Variants in AGBL1 observed in about 807,000 individuals in gnomAD.
AGBL1 encodes the protein AGBL carboxypeptidase 1, also known as cytosolic carboxypeptidase 4.
AGBL1 carries 130 observed loss-of-function variants against 118.9 expected under a neutral mutation model. The observed-to-expected ratio is 1.09, with a 90% CI of 0.95 to 1.26. The LOEUF (loss-of-function observed/expected upper bound fraction) is 1.26. AGBL1 is among the 50% of genes most tolerant of loss of function. AGBL1 has a pLI of 0.00. For synonymous variants in AGBL1, 555 were observed against 478.9 expected, an observed-to-expected ratio of 1.16 and a Z score of -2.08; for missense variants, 1,584 against 1,298.1, an observed-to-expected ratio of 1.22 and a Z score of -3.38.
At chr15:86,495,823 A>AT (rs1293345467) in intron 18 of AGBL1, among the ~76,000 whole-genome samples, 1 of 151,544 alleles carries the variant, frequency 6.6e-6, no homozygotes, top group Non-Finnish European at 1.5e-5. Context: ...TATTATGTAG[A>AT]TTTTTTTATC....
At chr15:86,446,334 C>T (rs75824649) in intron 18 of AGBL1, among the ~76,000 whole-genome samples, 6,404 of 152,280 alleles carry the variant, frequency 0.042, 196 homozygotes, top group South Asian at 0.098. Flanking sequence ...CCTCTCCAGA[C>T]GCACTGCTCT....
rs1159758450 is a variant in AGBL1 at position 86,457,060 on chromosome 15, G to A, written c.2555+59514G>A. Among the ~76,000 whole-genome samples the A allele has an allele frequency of 2.6e-5, 4 of 152,138 alleles. No homozygotes were observed. The South Asian group carries it at 8.3e-4, about 32-fold the overall frequency. On this transcript the variant is annotated intron_variant, in intron 18 of 22. Transcript: ENST00000614907. ...TGGACAAAATCCCTTTCATTATGCA[G>A]CCTAGCTAATATTACCACATTCGAA...
chr15:86,610,434 C>T (rs1459900531), intron 21 of AGBL1, among the ~76,000 whole-genome samples: 7 of 152,058 alleles, frequency 4.6e-5, no homozygotes, highest in Admixed American at 6.5e-5. Context: ...TTACCTGGGG[C>T]CCTTAGTTGT....
At chr15:86,456,913 C>A (rs1251963608) in intron 18 of AGBL1, among the ~76,000 whole-genome samples, 1 of 152,014 alleles carries the variant, frequency 6.6e-6, no homozygotes, top group African/African-American at 2.4e-5. Flanking sequence ...TGAATATCTT[C>A]AAAAAGGATT....
intron 22 of AGBL1, among the ~76,000 whole-genome samples, chr15:86,791,147 G>A (rs987420423): frequency 6.6e-6 from 1 of 152,200 alleles, no homozygotes; most frequent in Non-Finnish European, 1.5e-5. Context: ...ATTTGCCACA[G>A]TGGATGAATC....
chr15:86,479,068 T>C (rs919545293), intron 18 of AGBL1, among the ~76,000 whole-genome samples: 1 of 152,158 alleles, frequency 6.6e-6, no homozygotes, highest in African/African-American at 2.4e-5. Context: ...TTACACCTTA[T>C]ACAAAAATCA....
At chr15:86,421,348 C>G (rs2081787156) in intron 18 of AGBL1, among the ~76,000 whole-genome samples, 1 of 152,108 alleles carries the variant, frequency 6.6e-6, no homozygotes, top group Admixed American at 6.5e-5. Flanking sequence ...TCATATCCAG[C>G]CAAACTAAGA....
rs151223280 is a variant in AGBL1, at chr15:86,587,547, G to A, written c.2994+33010G>A. 7.2e-5 allele frequency among the ~76,000 whole-genome samples: 11 copies of A among 152,276 alleles called. No individual in the cohort carries two copies. In the East Asian group the frequency reaches 1.9e-3, roughly 27 times the overall value. On this transcript the variant is annotated intron_variant, in intron 21 of 22. Transcript: ENST00000614907. Reference sequence around the variant, plus strand: ...GGAAGCAAGTGGGAGGAGGGCGTTCGTGGAAGAAGGAGCAGTATAAGCAAA... The same window carrying A: ...GGAAGCAAGTGGGAGGAGGGCGTTCATGGAAGAAGGAGCAGTATAAGCAAA...
chr15:86,108,755 G>C (rs1379911764), intron 1 of AGBL1, among the ~76,000 whole-genome samples: 4 of 152,134 alleles, frequency 2.6e-5, no homozygotes, highest in Admixed American at 2.6e-4. Context: ...TCAAGAGATC[G>C]AAGCCATCCT....
At chr15:86,814,523 G>A (rs560758671) in intron 22 of AGBL1, among the ~76,000 whole-genome samples, 13 of 152,158 alleles carry the variant, frequency 8.5e-5, no homozygotes, top group Non-Finnish European at 1.6e-4. Flanking sequence ...GAAGCATCTA[G>A]GTCACAGAAA....
intron 3 of AGBL1, among the ~76,000 whole-genome samples, chr15:86,151,333 A>G (rs2077107297): frequency 1.3e-5 from 2 of 151,804 alleles, no homozygotes; most frequent in African/African-American, 2.4e-5. Flanking sequence ...ATCCACCACA[A>G]TCAAGTCAGC....
intron 22 of AGBL1, among the ~76,000 whole-genome samples, chr15:86,752,605 C>T (rs1014050781): frequency 2.6e-5 from 4 of 152,128 alleles, no homozygotes; most frequent in African/African-American, 9.6e-5. Flanking sequence ...AGGCTCTACC[C>T]CATTGCCAGG....
intron 24 of AGBL1, among the ~76,000 whole-genome samples, chr15:87,025,315 T>C (rs1021974678): frequency 6.6e-6 from 1 of 152,036 alleles, no homozygotes; most frequent in African/African-American, 2.4e-5. Flanking sequence ...CACAAATCAG[T>C]AGCTCTTCTA....
At chr15:86,424,674 A>C (rs1474218086) in intron 18 of AGBL1, among the ~76,000 whole-genome samples, 1 of 152,234 alleles carries the variant, frequency 6.6e-6, no homozygotes, top group East Asian at 1.9e-4. Context: ...TCTACAAGGA[A>C]CTTAAACAAA....
In AGBL1 at chr15:86,506,567, A is replaced by G. The variant is rs546906125; in HGVS notation, c.2556-16243A>G. Among the ~76,000 whole-genome samples the G allele has an allele frequency of 3.9e-5, 6 of 152,226 alleles. 1 individual carries two copies. The South Asian group carries it at 1.2e-3, about 32-fold the overall frequency. ...CATCCAATAGCTTTTCAACAAAACA[A>G]CCTTAATTGAAGAGTCTTGACAGAA... On this transcript the variant is annotated intron_variant, in intron 18 of 22. Transcript: ENST00000614907.
At chr15:86,538,771 G>A (rs1186237579) in intron 19 of AGBL1, among the ~76,000 whole-genome samples, 1 of 152,218 alleles carries the variant, frequency 6.6e-6, no homozygotes, top group African/African-American at 2.4e-5. Context: ...AGTTTACATT[G>A]GCAAAGCAGA....
At chr15:86,123,641 G>T (rs921071859) in intron 1 of AGBL1, among the ~76,000 whole-genome samples, 4 of 152,098 alleles carry the variant, frequency 2.6e-5, no homozygotes, top group African/African-American at 9.7e-5. Flanking sequence ...GTTTGAATCC[G>T]CCTATGACCT....
chr15:86,972,546 T>C (rs970711515), intron 23 of AGBL1, among the ~76,000 whole-genome samples: 1 of 152,056 alleles, frequency 6.6e-6, no homozygotes, highest in African/African-American at 2.4e-5. Context: ...ATCACACTTT[T>C]ATCTTATGGG....
At chr15:86,462,543 G>A (rs909240523) in intron 18 of AGBL1, among the ~76,000 whole-genome samples, 6 of 151,820 alleles carry the variant, frequency 4.0e-5, no homozygotes, top group East Asian at 1.9e-4. Flanking sequence ...CCATCAACTC[G>A]TCATCTACAT....
Sources: allele counts gnomAD v4.1 joint callset (sites outside exome capture counted in the v4.1 genomes callset), GRCh38; gene constraint gnomAD v4.1.1; transcripts MANE v1.5; gene names NCBI Gene and HGNC (gene_info 2026-07-23, HGNC 2026-07-21).